Variants in CFAP77 observed in about 807,000 individuals in gnomAD.
CFAP77 encodes cilia- and flagella-associated protein 77.
CFAP77 carries 25 observed loss-of-function variants against 31.1 expected under a neutral mutation model. The observed-to-expected ratio is 0.80, with a 90% CI of 0.59 to 1.12. The LOEUF (loss-of-function observed/expected upper bound fraction) is 1.12. Ranked by LOEUF, CFAP77 falls within the 50% of genes most tolerant of loss-of-function variation. The probability of loss-of-function intolerance (pLI) is 0.00; values close to 1 mark genes in which losing one functional copy is unlikely to be tolerated. For synonymous variants in CFAP77, 151 were observed against 159.9 expected (o/e 0.94, Z 0.42); for missense variants, 377 against 397.3 (o/e 0.95, Z 0.44).
In CFAP77 at chr9:132,481,686, T is replaced by C. The variant is rs1028211511; in HGVS notation, c.196-17009T>C. On this transcript the variant is annotated intron_variant, in intron 1 of 5. Coordinates refer to ENST00000393216, the MANE Select transcript of CFAP77 (RefSeq NM_001282957.2). The surrounding 1 kb of genome is among the most constrained non-coding windows in gnomAD (Gnocchi z 5.0). ...GTCCTCCAGCCTCCCAGCTTTGTGC[T>C]GAAATGAAGAGCCGCCGCTTCCTCT... Among the ~76,000 whole-genome samples the C allele has an allele frequency of 6.6e-6, 1 of 152,168 alleles. No individual in the cohort carries two copies. The highest frequency in any genetic ancestry group is 1.5e-5 in the Non-Finnish European group (1 of 68,038).
chr9:132,500,815 C>T (rs968891657), intron 3 of CFAP77, among the ~76,000 whole-genome samples: 2 of 152,150 alleles, frequency 1.3e-5, no homozygotes, highest in East Asian at 1.9e-4. Context: ...ACCGGCCTGG[C>T]GCTTAGATAA....
At chr9:132,466,207 T>C (rs771415246) in intron 1 of CFAP77, among the ~76,000 whole-genome samples, 4 of 152,164 alleles carry the variant, frequency 2.6e-5, no homozygotes, top group Admixed American at 2.0e-4. Flanking sequence ...TCCTGAGTAG[T>C]TGGGATTACA....
chr9:132,548,607 T>G (rs191660642), intron 5 of CFAP77, among the ~76,000 whole-genome samples: 2 of 151,944 alleles, frequency 1.3e-5, no homozygotes. Context: ...ATCTTTATTA[T>G]AAAATCTATG....
intron 1 of CFAP77, among the ~76,000 whole-genome samples, chr9:132,464,568 A>G (rs1349036660): frequency 6.6e-6 from 1 of 152,220 alleles, no homozygotes; most frequent in East Asian, 1.9e-4. Context: ...TTAACCCACT[A>G]TGTCCAAAAT....
At chr9:132,469,908 C>T (rs912702734) in intron 1 of CFAP77, among the ~76,000 whole-genome samples, 6 of 147,686 alleles carry the variant, frequency 4.1e-5, no homozygotes, top group East Asian at 2.0e-4. Flanking sequence ...GGTGTGATCA[C>T]GGCTCACCAC....
chr9:132,556,143 G>A (rs2119091046), intron 5 of CFAP77, among the ~76,000 whole-genome samples: 1 of 152,262 alleles, frequency 6.6e-6, no homozygotes, highest in East Asian at 1.9e-4. Context: ...CCTCCACTGG[G>A]GGAACCCTGA....
intron 1 of CFAP77, among the ~76,000 whole-genome samples, chr9:132,434,907 C>G (rs567629366): frequency 2.0e-5 from 3 of 152,066 alleles, no homozygotes; most frequent in Non-Finnish European, 4.4e-5. Context: ...AGCACAAAAG[C>G]GAAAAGGAAG....
At chr9:132,442,017 G>A (rs1850623002) in intron 1 of CFAP77, among the ~76,000 whole-genome samples, 1 of 152,222 alleles carries the variant, frequency 6.6e-6, no homozygotes, top group African/African-American at 2.4e-5. Context: ...GGGAGGTTCA[G>A]TTGTACACTG....
At chr9:132,484,564 G>T (rs1459141579) in intron 1 of CFAP77, among the ~76,000 whole-genome samples, 2 of 152,194 alleles carry the variant, frequency 1.3e-5, no homozygotes, top group East Asian at 3.8e-4. Context: ...ACATGGATCA[G>T]TGCTTCATTC....
rs183973054 is a variant in CFAP77 at position 132,555,754 on chromosome 9, C to A, written c.732+12707C>A. ...CCCGCCCTTTCCCTAACACACCCCC[C>A]AGCCCTGTGTGGTCCTGCATGTGTT... On this transcript the variant is annotated intron_variant, in intron 5 of 5. Coordinates refer to ENST00000393216, the MANE Select transcript of CFAP77 (RefSeq NM_001282957.2). 1.5e-3 allele frequency among the ~76,000 whole-genome samples: 222 copies of A among 152,256 alleles called. 2 individuals carry two copies. Among genetic ancestry groups the A allele is most frequent in the African/African-American group, 5.1e-3 (212 of 41,554 alleles).
At chr9:132,523,141 G>A (rs1166123249) in intron 3 of CFAP77, among the ~76,000 whole-genome samples, 2 of 150,490 alleles carry the variant, frequency 1.3e-5, no homozygotes, top group East Asian at 3.9e-4. Flanking sequence ...AGGCTGGAGT[G>A]CAGTGGCATG....
chr9:132,531,553 C>A (rs1247717040), intron 3 of CFAP77, among the ~76,000 whole-genome samples: 1 of 142,534 alleles, frequency 7.0e-6, no homozygotes, highest in Non-Finnish European at 1.5e-5. Context: ...CAGGAAGGAG[C>A]TGGAGAAGGA....
chr9:132,513,430 C>T, intron 3 of CFAP77: 2 of 1,439,970 alleles, frequency 1.4e-6, no homozygotes, highest in Non-Finnish European at 1.8e-6. Flanking sequence ...TGCACACCTT[C>T]CTAGCCTCAG....
chr9:132,481,556 C>T lies in CFAP77; in HGVS notation c.196-17139C>T, dbSNP rs2118905226. Among the ~76,000 whole-genome samples the T allele has an allele frequency of 6.6e-6, 1 of 152,336 alleles. No individual in the cohort carries two copies. Among genetic ancestry groups the T allele is most frequent in the East Asian group, 1.9e-4 (1 of 5,184 alleles). On this transcript the variant is annotated intron_variant, in intron 1 of 5. Coordinates refer to ENST00000393216, the MANE Select transcript of CFAP77 (RefSeq NM_001282957.2). This position sits in a 1 kb window ranked among gnomAD's most constrained non-coding sequence, Gnocchi z 5.0. The stretch of plus-strand genomic sequence containing the variant: ...CCCGCTCCTGCTAGAGGAGGAGAAG[C>T]ATTGCTGCTGAGGCCTCTGCATCAT...
In CFAP77 at chr9:132,552,102, G is replaced by A. The variant is rs1302514388; in HGVS notation, c.732+9055G>A. Among the ~76,000 whole-genome samples, 1 of 152,248 alleles carries A rather than the reference G, an allele frequency of 6.6e-6. No individual in the cohort carries two copies. The highest frequency in any genetic ancestry group is 1.5e-5 in the Non-Finnish European group (1 of 68,046). ...CAGGCTTACTGCGTTAAAAGTGGGA[G>A]GCTGAGGCTGAGTCCAGCAGGAGGG... On this transcript the variant is annotated intron_variant, in intron 5 of 5. Transcript: ENST00000393216. This position sits in a 1 kb window ranked among gnomAD's most constrained non-coding sequence, Gnocchi z 5.5.
intron 1 of CFAP77, among the ~76,000 whole-genome samples, chr9:132,415,566 T>C (rs949473704): frequency 3.3e-5 from 5 of 152,230 alleles, no homozygotes; most frequent in African/African-American, 1.2e-4. Flanking sequence ...CTCAGCACTT[T>C]CCTATTACGT....
intron 1 of CFAP77, among the ~76,000 whole-genome samples, chr9:132,435,304 T>C (rs1009520994): frequency 6.6e-6 from 1 of 152,206 alleles, no homozygotes; most frequent in African/African-American, 2.4e-5. Flanking sequence ...ATTTACTGAA[T>C]GTTGTAACTT....
rs377026937 is a variant in CFAP77, at chr9:132,544,419, C to G, written c.732+1372C>G. Among the ~76,000 whole-genome samples the G allele has an allele frequency of 1.3e-4, 20 of 152,138 alleles. No individual in the cohort carries two copies. The East Asian group carries it at 2.9e-3, about 22-fold the overall frequency. On this transcript the variant is annotated intron_variant, in intron 5 of 5. Transcript: ENST00000393216. ...TGTTGCTTCCTCTGCTTCTCCTGCTCTCTCACTCACTCAGCAGATTCCGTC... is the reference window on the plus strand; with the variant it reads ...TGTTGCTTCCTCTGCTTCTCCTGCTGTCTCACTCACTCAGCAGATTCCGTC...
rs1008166276 is a variant in CFAP77 at position 132,490,058 on chromosome 9, C to T, written c.196-8637C>T. On this transcript the variant is annotated intron_variant, in intron 1 of 5. Coordinates refer to ENST00000393216, the MANE Select transcript of CFAP77 (RefSeq NM_001282957.2). This position sits in a 1 kb window ranked among gnomAD's most constrained non-coding sequence, Gnocchi z 4.6. ...TCTGGTGAGAGCCTAGTCTTTGCTT[C>T]CAAGATGGTGCCTTGGTGCTGTATC... 6.6e-6 allele frequency among the ~76,000 whole-genome samples: 1 copy of T among 152,266 alleles called. No homozygotes were observed. The highest frequency in any genetic ancestry group is 6.5e-5 in the Admixed American group (1 of 15,302).
Sources: gnomAD v4.1 joint callset for allele counts (sites outside exome capture counted in the v4.1 genomes callset) on GRCh38, gnomAD v4.1.1 for gene constraint, Gnocchi (gnomAD v3.1) non-coding constraint, MANE v1.5 for transcripts, NCBI Gene and HGNC (gene_info 2026-07-23, HGNC 2026-07-21) for gene names.